MBD5: variants seen among roughly 807,000 people sequenced by gnomAD.
MBD5 encodes the protein methyl-CpG-binding domain protein 5.
A neutral mutation model predicts 117.3 loss-of-function variants in MBD5; 13 were observed. The observed-to-expected ratio is 0.11, with a 90% CI of 0.07 to 0.18. The LOEUF (loss-of-function observed/expected upper bound fraction) is 0.18, where lower values mean the gene tolerates loss of function less well. Among genes scored for constraint, MBD5 ranks in the 10% least tolerant of loss-of-function variants. The pLI is 1.00. For missense variants in MBD5, 1,879 were observed against 2,093.8 expected (o/e 0.90, Z 2.00); for synonymous variants, 727 against 766.4 (o/e 0.95, Z 0.85).
At chr2:148,441,253 C>T (rs1468423159) in intron 4 of MBD5, among the ~76,000 whole-genome samples, 1 of 152,096 alleles carries the variant, frequency 6.6e-6, no homozygotes, top group Non-Finnish European at 1.5e-5. Context: ...TGTCCCTCCC[C>T]CTACCCCCGA....
chr2:148,098,839 C>T (rs961660901), intron 1 of MBD5, among the ~76,000 whole-genome samples: 12 of 151,940 alleles, frequency 7.9e-5, no homozygotes, highest in African/African-American at 1.5e-4. Flanking sequence ...TTGCTTGAAC[C>T]CAGGAGTTCA....
intron 1 of MBD5, among the ~76,000 whole-genome samples, chr2:148,150,216 G>T (rs1044901075): frequency 2.0e-5 from 3 of 147,984 alleles, no homozygotes; most frequent in Non-Finnish European, 4.5e-5. Context: ...CCCATTGCTT[G>T]TTTTTCTCAG....
intron 1 of MBD5, among the ~76,000 whole-genome samples, chr2:148,032,882 G>C (rs893861866): frequency 6.6e-6 from 1 of 152,238 alleles, no homozygotes; most frequent in African/African-American, 2.4e-5. Context: ...AATATAACCA[G>C]GTAGAAGTTA....
chr2:148,434,466 G>C (rs984618074), intron 4 of MBD5, among the ~76,000 whole-genome samples: 6 of 151,658 alleles, frequency 4.0e-5, no homozygotes, highest in African/African-American at 9.6e-5. Flanking sequence ...TGTAATGTCA[G>C]GTTGTTAATT....
chr2:148,441,678 C>T (rs1178422356), intron 4 of MBD5, among the ~76,000 whole-genome samples: 3 of 152,056 alleles, frequency 2.0e-5, no homozygotes, highest in Non-Finnish European at 4.4e-5. Context: ...GAGGAATCGC[C>T]ACACCGACTT....
At chr2:148,509,898 A>C (rs1212469061) in intron 12 of MBD5, among the ~76,000 whole-genome samples, 162 bp from the exon 13 acceptor site, 1 of 152,234 alleles carries the variant, frequency 6.6e-6, no homozygotes, top group Non-Finnish European at 1.5e-5. Flanking sequence ...GTATTCAGTG[A>C]TAAGAATCCC....
intron 12 of MBD5, among the ~76,000 whole-genome samples, chr2:148,504,744 C>T (rs1470835299): frequency 6.6e-6 from 1 of 152,094 alleles, no homozygotes; most frequent in Non-Finnish European, 1.5e-5. Flanking sequence ...TAGGCATCAG[C>T]CACACAAAGG....
At chr2:148,052,371 C>G (rs544688661) in intron 1 of MBD5, among the ~76,000 whole-genome samples, 2 of 151,966 alleles carry the variant, frequency 1.3e-5, no homozygotes, top group South Asian at 2.1e-4. Context: ...ACACCACACC[C>G]AGCTAATTGT....
intron 1 of MBD5, among the ~76,000 whole-genome samples, chr2:148,128,363 A>G (rs1696952576): frequency 6.6e-6 from 1 of 152,216 alleles, no homozygotes; most frequent in South Asian, 2.1e-4. Context: ...ACAGATATGT[A>G]TTATTGATCC....
rs753915877 is a variant in MBD5, at chr2:148,469,064, T to G, written c.1121T>G (p.Val374Gly). 6.2e-7 allele frequency: 1 copy of G among 1,614,024 alleles called. No homozygotes were observed. The highest frequency in any genetic ancestry group is 1.1e-5 in the South Asian group (1 of 91,084). ...IPSKPVNQNPVIINPTSFHSN... is the reference protein window; with the variant it reads ...IPSKPVNQNPGIINPTSFHSN... ...AGTAAACCAGTGAATCAGAACCCTG[T>G]TATCATTAATCCAACCAGTTTCCAT... The change falls in exon 8 of 14, where the codon GTT becomes GGT. Residue 374 changes from valine (V) to glycine (G), a missense_variant. Val to Gly is a moderately radical substitution (Grantham distance 109). This residue lies in a region of MBD5 where 1,666 missense variants were observed against 1,792.2 expected (regional missense o/e 0.93). Coordinates refer to ENST00000642680, the MANE Select transcript of MBD5 (RefSeq NM_001378120.1).
chr2:148,441,468 G>T lies in MBD5; in HGVS notation c.-556-16735G>T, dbSNP rs528475516. Among the ~76,000 whole-genome samples, 629 of 152,048 alleles carry T rather than the reference G, an allele frequency of 4.1e-3. 6 individuals carry two copies. Among genetic ancestry groups the T allele is most frequent in the African/African-American group, 0.014 (588 of 41,510 alleles). On this transcript the variant is annotated intron_variant, in intron 4 of 13. Coordinates refer to ENST00000642680, the MANE Select transcript of MBD5 (RefSeq NM_001378120.1). ...TTTTATGGCTGCATAGTATTCCATG[G>T]TGTATATGTGCCACATTTTCTTAAT...
chr2:148,171,026 A>G (rs1391217690), intron 1 of MBD5, among the ~76,000 whole-genome samples: 1 of 152,222 alleles, frequency 6.6e-6, no homozygotes, highest in African/African-American at 2.4e-5. Context: ...CCAGGACCTG[A>G]TGGCTTATGG....
chr2:148,129,203 T>C (rs1696976699), intron 1 of MBD5, among the ~76,000 whole-genome samples: 1 of 151,988 alleles, frequency 6.6e-6, no homozygotes, highest in African/African-American at 2.4e-5. Flanking sequence ...TTAAGCAAAA[T>C]AGTGACCCAG....
At chr2:148,057,967 A>G (rs1694916820) in intron 1 of MBD5, among the ~76,000 whole-genome samples, 1 of 152,088 alleles carries the variant, frequency 6.6e-6, no homozygotes, top group Non-Finnish European at 1.5e-5. Flanking sequence ...TTTAAAGAAC[A>G]GATATTAAAA....
intron 1 of MBD5, among the ~76,000 whole-genome samples, chr2:148,152,644 T>G (rs1422267080): frequency 6.6e-6 from 1 of 152,178 alleles, no homozygotes; most frequent in Non-Finnish European, 1.5e-5. Context: ...GCATATATAT[T>G]TAGGATAGTT....
Position 148,403,572 on chromosome 2 carries a change from T to A in MBD5, c.-556-54631T>A, listed in dbSNP as rs73965372. 9.0e-3 allele frequency among the ~76,000 whole-genome samples: 1,372 copies of A among 152,332 alleles called. 16 individuals are homozygous for A. Among genetic ancestry groups the A allele is most frequent in the African/African-American group, 0.031 (1,305 of 41,576 alleles). Reference sequence around the variant, plus strand: ...ATTTCTAACTAAAAATTTAATTGATTTAATTGTAGATTTGCTTGCAATTTT... The same window carrying A: ...ATTTCTAACTAAAAATTTAATTGATATAATTGTAGATTTGCTTGCAATTTT... On this transcript the variant is annotated intron_variant, in intron 4 of 13. Transcript: ENST00000642680.
At chr2:148,270,391 C>CTTT (rs1303449965) in intron 3 of MBD5, among the ~76,000 whole-genome samples, 1 of 99,468 alleles carries the variant, frequency 1.0e-5, no homozygotes, top group Non-Finnish European at 2.0e-5. Context: ...TACTTCCTTT[C>CTTT]TATTTTTTTT....
intron 1 of MBD5, among the ~76,000 whole-genome samples, chr2:148,034,266 T>C (rs1694124320): frequency 2.0e-5 from 3 of 152,214 alleles, no homozygotes; most frequent in South Asian, 4.1e-4. Context: ...GTGTACCTCT[T>C]AAATAGAAAT....
At chr2:148,287,373 A>T (rs1351860203) in intron 3 of MBD5, among the ~76,000 whole-genome samples, 1 of 152,234 alleles carries the variant, frequency 6.6e-6, no homozygotes, top group Non-Finnish European at 1.5e-5. Flanking sequence ...AATTTTTGTC[A>T]TGAAGAGTAA....
Sources: gnomAD v4.1 joint callset for allele counts (sites outside exome capture counted in the v4.1 genomes callset) on GRCh38, gnomAD v4.1.1 for gene constraint, gnomAD v4.1.1 regional missense constraint, MANE v1.5 for transcripts, NCBI Gene and HGNC (gene_info 2026-07-23, HGNC 2026-07-21) for gene names.